Variants in NDUFAF2 observed in about 807,000 individuals in gnomAD.
NDUFAF2 encodes the protein NADH dehydrogenase [ubiquinone] 1 alpha subcomplex assembly factor 2.
In NDUFAF2, 13 loss-of-function variants were observed where a neutral mutation model predicts 22.8. The ratio of observed to expected loss-of-function variants is 0.57; its 90% CI spans 0.37 to 0.91. NDUFAF2 has a LOEUF of 0.91. Ranked by LOEUF, NDUFAF2 falls within the 40% of genes least tolerant of loss-of-function variation. The pLI is 0.01. For missense variants in NDUFAF2, 162 were observed against 195.2 expected (o/e 0.83, Z 1.01); for synonymous variants, 53 against 64.2 (o/e 0.83, Z 0.84).
chr5:61,105,307 TG>T (rs1752748846), intron 3 of NDUFAF2, among the ~76,000 whole-genome samples: 1 of 151,354 alleles, frequency 6.6e-6, no homozygotes, highest in South Asian at 2.1e-4. Context: ...GTAAGTTATC[TG>T]TGCCCAATAT....
intron 1 of NDUFAF2, among the ~76,000 whole-genome samples, chr5:60,959,388 C>T (rs1036559182): frequency 2.0e-5 from 3 of 151,948 alleles, no homozygotes; most frequent in Non-Finnish European, 4.4e-5. Flanking sequence ...AAGCCCTGCA[C>T]TACTGTTTTA....
intron 2 of NDUFAF2, among the ~76,000 whole-genome samples, chr5:61,097,335 G>T (rs1038542283): frequency 1.3e-5 from 2 of 152,194 alleles, no homozygotes; most frequent in African/African-American, 4.8e-5. Context: ...TACTTTAAAT[G>T]TGTTCAGAAC....
At chr5:61,046,607 T>G (rs1454535885) in intron 1 of NDUFAF2, among the ~76,000 whole-genome samples, 1 of 152,170 alleles carries the variant, frequency 6.6e-6, no homozygotes, top group African/African-American at 2.4e-5. Context: ...TCTGAAGGGC[T>G]TAGTGATAAC....
At chr5:61,150,983 C>G (rs2111836564) in intron 3 of NDUFAF2, among the ~76,000 whole-genome samples, 1 of 152,280 alleles carries the variant, frequency 6.6e-6, no homozygotes, top group Admixed American at 6.5e-5. Flanking sequence ...GGTGATTAAA[C>G]TACTCATGGG....
chr5:61,121,147 G>C (rs1752971251), intron 3 of NDUFAF2, among the ~76,000 whole-genome samples: 1 of 152,066 alleles, frequency 6.6e-6, no homozygotes, highest in Non-Finnish European at 1.5e-5. Context: ...TATCATGATG[G>C]TGATAAAATA....
chr5:61,066,143 T>C (rs1022554534), intron 1 of NDUFAF2, among the ~76,000 whole-genome samples: 1 of 151,880 alleles, frequency 6.6e-6, no homozygotes, highest in Non-Finnish European at 1.5e-5. Flanking sequence ...AGGAATAAAT[T>C]TAAGCAAGGA....
intron 1 of NDUFAF2, among the ~76,000 whole-genome samples, chr5:61,052,423 G>A (rs1019336538): frequency 1.1e-4 from 16 of 152,164 alleles, no homozygotes; most frequent in African/African-American, 3.6e-4. Flanking sequence ...CCATTCTCTT[G>A]CCTCAGCCTC....
intron 3 of NDUFAF2, among the ~76,000 whole-genome samples, chr5:61,110,792 T>G (rs1561568218): frequency 6.6e-6 from 1 of 152,062 alleles, no homozygotes; most frequent in Non-Finnish European, 1.5e-5. Context: ...TTTGTATTCT[T>G]CATATTGTTT....
intron 2 of NDUFAF2, among the ~76,000 whole-genome samples, chr5:61,075,489 C>T (rs1017462989): frequency 8.5e-5 from 13 of 152,058 alleles, no homozygotes; most frequent in Non-Finnish European, 1.5e-4. Flanking sequence ...TTGGATAATG[C>T]GTGCACCTTC....
chr5:61,144,498 T>C (rs945760660), intron 3 of NDUFAF2, among the ~76,000 whole-genome samples: 1 of 152,224 alleles, frequency 6.6e-6, no homozygotes, highest in African/African-American at 2.4e-5. Context: ...ATATTTTGTA[T>C]ATATACTTAG....
intron 1 of NDUFAF2, among the ~76,000 whole-genome samples, chr5:61,006,082 A>G (rs1347154618): frequency 6.6e-6 from 1 of 152,152 alleles, no homozygotes; most frequent in East Asian, 1.9e-4. Context: ...TAGGTCTAAC[A>G]TTTAAGTCTT....
intron 3 of NDUFAF2, among the ~76,000 whole-genome samples, 154 bp downstream of exon 3, chr5:61,099,186 C>T (rs1752677741): frequency 6.7e-6 from 1 of 149,910 alleles, no homozygotes; most frequent in Non-Finnish European, 1.5e-5. Context: ...ATATATAAAC[C>T]TATATTATTA....
At chr5:61,014,446 G>A (rs1322385635) in intron 1 of NDUFAF2, among the ~76,000 whole-genome samples, 1 of 152,140 alleles carries the variant, frequency 6.6e-6, no homozygotes, top group Admixed American at 6.5e-5. Context: ...TTTATTGTAA[G>A]TAGGTGGTAG....
At chr5:61,005,181 T>G (rs1751350045) in intron 1 of NDUFAF2, among the ~76,000 whole-genome samples, 1 of 152,136 alleles carries the variant, frequency 6.6e-6, no homozygotes, top group African/African-American at 2.4e-5. Flanking sequence ...AGTAAGAAAA[T>G]GCAGTGATTG....
intron 3 of NDUFAF2, among the ~76,000 whole-genome samples, chr5:61,099,427 C>G (rs550895016): frequency 1.3e-5 from 2 of 151,084 alleles, no homozygotes; most frequent in Admixed American, 6.6e-5. Flanking sequence ...TTTGTCTTGT[C>G]CAAATCATGC....
intron 1 of NDUFAF2, among the ~76,000 whole-genome samples, chr5:61,002,321 G>A (rs1342430977): frequency 6.6e-6 from 1 of 152,066 alleles, no homozygotes; most frequent in East Asian, 1.9e-4. Flanking sequence ...AGCAAGGAGG[G>A]TATTCAGCCT....
At chr5:61,141,661 A>G (rs949009277) in intron 3 of NDUFAF2, among the ~76,000 whole-genome samples, 2 of 120,978 alleles carry the variant, frequency 1.7e-5, no homozygotes, top group African/African-American at 2.7e-5. Context: ...CTCAGTATAT[A>G]TTAAATGAAT....
At chr5:61,141,785 T>A (rs1741063859) in intron 3 of NDUFAF2, among the ~76,000 whole-genome samples, 1 of 152,168 alleles carries the variant, frequency 6.6e-6, no homozygotes, top group Non-Finnish European at 1.5e-5. Context: ...CTGACCATAT[T>A]TTTTATTCTC....
chr5:61,047,469 T>G (rs1751967943), intron 1 of NDUFAF2, among the ~76,000 whole-genome samples: 1 of 152,154 alleles, frequency 6.6e-6, no homozygotes, highest in East Asian at 1.9e-4. Context: ...TCAGCTTAGC[T>G]AGTGTCAAAG....
Sources: gnomAD v4.1 joint callset for allele counts (sites outside exome capture counted in the v4.1 genomes callset) on GRCh38, gnomAD v4.1.1 for gene constraint, MANE v1.5 for transcripts, NCBI Gene and HGNC (gene_info 2026-07-23, HGNC 2026-07-21) for gene names.